The following MDGA2 variants were observed in gnomAD, a reference collection of about 807,000 sequenced individuals.
MDGA2 encodes MAM domain containing glycosylphosphatidylinositol anchor 2.
A neutral mutation model predicts 117.8 loss-of-function variants in MDGA2; 40 were observed. The ratio of observed to expected loss-of-function variants is 0.34; its 90% CI spans 0.26 to 0.44. The LOEUF is 0.44. Among genes scored for constraint, MDGA2 ranks in the 20% least tolerant of loss-of-function variants. The probability of loss-of-function intolerance (pLI) is 1.00; values close to 1 mark genes in which losing one functional copy is unlikely to be tolerated. For synonymous variants in MDGA2, 452 were observed against 439.0 expected (o/e 1.03, Z -0.37); for missense variants, 1,123 against 1,250.6 (o/e 0.90, Z 1.54).
intron 14 of MDGA2, among the ~76,000 whole-genome samples, chr14:46,858,562 G>T (rs1594999260): frequency 6.6e-6 from 1 of 151,350 alleles, no homozygotes; most frequent in South Asian, 2.1e-4. Flanking sequence ...CGAGTAGCTG[G>T]GACTACAGGC....
At chr14:46,896,896 G>A (rs1883097443) in intron 10 of MDGA2, among the ~76,000 whole-genome samples, 1 of 152,076 alleles carries the variant, frequency 6.6e-6, no homozygotes, top group Non-Finnish European at 1.5e-5. Context: ...AATTAGGTGT[G>A]GTCATATGAC....
intron 1 of MDGA2, among the ~76,000 whole-genome samples, chr14:47,422,415 G>A (rs1453798280): frequency 1.3e-5 from 2 of 152,122 alleles, no homozygotes; most frequent in African/African-American, 2.4e-5. Flanking sequence ...CAGCTTCCAG[G>A]TTAACAAAAG....
At chr14:46,968,866 G>T (rs1449751779) in intron 8 of MDGA2, among the ~76,000 whole-genome samples, 1 of 150,306 alleles carries the variant, frequency 6.7e-6, no homozygotes, top group Non-Finnish European at 1.5e-5. Flanking sequence ...TCCTAGATTT[G>T]ATAAATAAAT....
chr14:47,172,809 G>A (rs1052916342), intron 3 of MDGA2, among the ~76,000 whole-genome samples: 1 of 152,210 alleles, frequency 6.6e-6, no homozygotes, highest in Admixed American at 6.5e-5. Flanking sequence ...GAATGACTTT[G>A]ACAAGTTGAG....
intron 8 of MDGA2, among the ~76,000 whole-genome samples, chr14:46,976,843 A>C (rs1886480338): frequency 6.6e-6 from 1 of 151,888 alleles, no homozygotes; most frequent in South Asian, 2.1e-4. Context: ...TGCTTTTCTT[A>C]CTCATCTGCT....
At chr14:47,361,157 T>A (rs889957313) in intron 1 of MDGA2, among the ~76,000 whole-genome samples, 7 of 152,076 alleles carry the variant, frequency 4.6e-5, no homozygotes, top group African/African-American at 1.7e-4. Flanking sequence ...CATTTCACTA[T>A]GTATATGTAT....
chr14:47,380,994 T>G (rs1189004717), intron 1 of MDGA2, among the ~76,000 whole-genome samples: 4 of 151,976 alleles, frequency 2.6e-5, no homozygotes, highest in Admixed American at 2.0e-4. Context: ...CAGCAGCACA[T>G]CAAAAAGCTT....
chr14:46,925,707 T>C (rs1206743770), intron 9 of MDGA2, among the ~76,000 whole-genome samples: 2 of 131,306 alleles, frequency 1.5e-5, no homozygotes, highest in Non-Finnish European at 3.3e-5. Flanking sequence ...AATAGAAAAA[T>C]ATAAACGAAC....
intron 8 of MDGA2, among the ~76,000 whole-genome samples, chr14:47,013,791 T>TATATATATATATATATATATATATAG (rs1887985577): frequency 8.1e-6 from 1 of 122,964 alleles, no homozygotes; most frequent in African/African-American, 2.7e-5. Context: ...TATATATATA[T>TATATATATATATATATATATATATAG]ATCTCCTTTT....
chr14:47,497,154 T>G (rs1008560884), intron 1 of MDGA2, among the ~76,000 whole-genome samples: 2 of 152,192 alleles, frequency 1.3e-5, no homozygotes, highest in African/African-American at 4.8e-5. Context: ...GGACTGAAGT[T>G]CACATCAGTT....
chr14:47,018,429 G>C (rs540354167), intron 8 of MDGA2, among the ~76,000 whole-genome samples: 81 of 152,174 alleles, frequency 5.3e-4, no homozygotes, highest in Middle Eastern at 3.4e-3. Context: ...AATTCATTCA[G>C]AGTATCTCTT....
In MDGA2 at chr14:47,448,872, C is replaced by T. The variant is rs1318500580; in HGVS notation, c.281-147322G>A. Among the ~76,000 whole-genome samples the T allele has an allele frequency of 2.0e-5, 3 of 152,110 alleles. No homozygotes were observed. In the East Asian group the frequency reaches 5.8e-4, roughly 29 times the overall value. ...CTTAGCTTGCAGGATCTGATACTAA[C>T]TCCAGATAGTTAGTGTCAGAATTTC... On this transcript the variant is annotated intron_variant, in intron 1 of 16. Coordinates refer to ENST00000399232, the MANE Select transcript of MDGA2 (RefSeq NM_001113498.3).
chr14:47,054,997 C>CTTT (rs1183791856), intron 7 of MDGA2, among the ~76,000 whole-genome samples: 1 of 79,478 alleles, frequency 1.3e-5, no homozygotes, highest in Admixed American at 1.6e-4. Context: ...ATTTTTTTTT[C>CTTT]TTTTCTTTTT....
At chr14:47,106,849 A>G (rs1405764007) in intron 5 of MDGA2, among the ~76,000 whole-genome samples, 1 of 141,300 alleles carries the variant, frequency 7.1e-6, no homozygotes. Flanking sequence ...CCAGGCTTCT[A>G]AACCTCTTAA....
chr14:47,272,473 G>A (rs920824150), intron 2 of MDGA2, among the ~76,000 whole-genome samples: 15 of 152,076 alleles, frequency 9.9e-5, no homozygotes, highest in Admixed American at 5.2e-4. Context: ...GTTGAAAGAC[G>A]AAGGGAAGGA....
intron 5 of MDGA2, among the ~76,000 whole-genome samples, chr14:47,131,273 G>T (rs1269759879): frequency 1.3e-5 from 2 of 151,700 alleles, no homozygotes; most frequent in East Asian, 3.9e-4. Context: ...CAAAAATATT[G>T]TTCTAAAAAC....
chr14:47,588,416 A>G (rs1045754281), intron 1 of MDGA2, among the ~76,000 whole-genome samples: 2 of 151,640 alleles, frequency 1.3e-5, no homozygotes, highest in Middle Eastern at 6.3e-3. Context: ...CCTTGTCAAC[A>G]TTGCTATTGT....
At chr14:47,391,528 A>T (rs1891894944) in intron 1 of MDGA2, among the ~76,000 whole-genome samples, 1 of 152,154 alleles carries the variant, frequency 6.6e-6, no homozygotes, top group Admixed American at 6.6e-5. Context: ...TTCCCTGGTT[A>T]TATGTCAACC....
intron 1 of MDGA2, among the ~76,000 whole-genome samples, chr14:47,455,571 T>C (rs1190759314): frequency 1.3e-5 from 2 of 152,082 alleles, no homozygotes; most frequent in Admixed American, 6.5e-5. Context: ...TAAAAAGGCA[T>C]AGTAAATATT....
Sources: allele counts gnomAD v4.1 joint callset (sites outside exome capture counted in the v4.1 genomes callset), GRCh38; gene constraint gnomAD v4.1.1; transcripts MANE v1.5; gene names NCBI Gene and HGNC (gene_info 2026-07-23, HGNC 2026-07-21).